Variants in COL24A1 observed in about 807,000 individuals in gnomAD.
The protein encoded by COL24A1 is collagen type XXIV alpha 1 chain.
COL24A1 carries 224 observed loss-of-function variants against 253.9 expected under a neutral mutation model. That is an observed-to-expected ratio of 0.88 (90% CI 0.79 to 0.99). The LOEUF (loss-of-function observed/expected upper bound fraction) is 0.99, where lower values mean the gene tolerates loss of function less well. COL24A1 is among the 50% of genes least tolerant of loss of function. COL24A1 has a pLI of 0.00. For synonymous variants in COL24A1, 685 were observed against 673.7 expected, an observed-to-expected ratio of 1.02 and a Z score of -0.26; for missense variants, 2,131 against 2,068.5, an observed-to-expected ratio of 1.03 and a Z score of -0.59.
chr1:86,148,506 C>G (rs1429551890), intron 1 of COL24A1, among the ~76,000 whole-genome samples: 3 of 151,954 alleles, frequency 2.0e-5, no homozygotes, highest in Non-Finnish European at 2.9e-5. Context: ...CCCTTCCCCC[C>G]ACCCCACAAC....
chr1:85,943,815 C>G (rs569859933), intron 24 of COL24A1, among the ~76,000 whole-genome samples: 1 of 152,250 alleles, frequency 6.6e-6, no homozygotes, highest in Non-Finnish European at 1.5e-5. Context: ...GACTTCTACC[C>G]CTTCACACAT....
intron 57 of COL24A1, among the ~76,000 whole-genome samples, chr1:85,741,104 G>A (rs1664581254): frequency 6.7e-6 from 1 of 149,080 alleles, no homozygotes; most frequent in Non-Finnish European, 1.5e-5. Flanking sequence ...AGGCACAGGG[G>A]TGAAACTCTG....
At chr1:85,894,762 C>T (rs1482699373) in intron 31 of COL24A1, among the ~76,000 whole-genome samples, 1 of 152,076 alleles carries the variant, frequency 6.6e-6, no homozygotes, top group African/African-American at 2.4e-5. Context: ...CAAGTTCTTT[C>T]CTAGACATAG....
chr1:85,823,685 T>C lies in COL24A1; in HGVS notation c.3735A>G (p.Pro1245=). The C allele has an allele frequency of 6.2e-7, 1 of 1,613,874 alleles. No homozygotes were observed. The highest frequency in any genetic ancestry group is 8.5e-7 in the Non-Finnish European group (1 of 1,179,820). ...TAGAAATAATGCTTTCAAAACATAC[T>C]GGGGGTCCTTGTTGTCCAGTGGCAC... ...LRGATGQQGP[P]GEPGDQGEQG... is the part of the protein sequence containing the mutation. The change falls in exon 44 of 60, where the codon CCA becomes CCG. Residue 1245 remains proline (P), a splice_region_variant and synonymous_variant. Coordinates refer to ENST00000370571, the MANE Select transcript of COL24A1 (RefSeq NM_152890.7).
Position 85,737,518 on chromosome 1 carries a change from A to C in COL24A1, c.4673-13T>G, listed in dbSNP as rs1322606647. ...ATCCAGTATTTTCCTAATAATTTATAGTAAAACATAAAGTTAAAGTTATTA... is the reference window on the plus strand; with the variant it reads ...ATCCAGTATTTTCCTAATAATTTATCGTAAAACATAAAGTTAAAGTTATTA... On this transcript the variant is annotated splice_polypyrimidine_tract_variant and intron_variant, in intron 57 of 59. Transcript: ENST00000370571. The C allele has an allele frequency of 6.5e-7, 1 of 1,541,682 alleles. No homozygotes were observed.
intron 7 of COL24A1, among the ~76,000 whole-genome samples, chr1:86,079,466 G>T (rs552553888): frequency 2.8e-4 from 42 of 152,148 alleles, no homozygotes; most frequent in South Asian, 4.1e-4. Flanking sequence ...ATTGCATCAA[G>T]TTAAAAAGTT....
chr1:86,152,486 G>A (rs1652906829), intron 1 of COL24A1, among the ~76,000 whole-genome samples: 1 of 152,098 alleles, frequency 6.6e-6, no homozygotes, highest in Non-Finnish European at 1.5e-5. Context: ...CCATCCCCAA[G>A]ATATCTCATT....
Position 86,113,709 on chromosome 1 carries a change from C to G in COL24A1, c.1546-1089G>C, listed in dbSNP as rs117549270. 9.0e-3 allele frequency among the ~76,000 whole-genome samples: 1,366 copies of G among 151,848 alleles called. 23 individuals are homozygous for G. The highest frequency in any genetic ancestry group is 0.074 in the East Asian group (381 of 5,146). On this transcript the variant is annotated intron_variant, in intron 4 of 59. Coordinates refer to ENST00000370571, the MANE Select transcript of COL24A1 (RefSeq NM_152890.7). ...ACTTTGCCAGGCATAGTGGCCCACA[C>G]CTGTAGTCCCAGCTAATCAGAAAGC...
At chr1:85,767,453 T>C (rs569732472) in intron 53 of COL24A1, among the ~76,000 whole-genome samples, 2 of 152,272 alleles carry the variant, frequency 1.3e-5, no homozygotes, top group South Asian at 4.1e-4. Flanking sequence ...GAGAAAAGGT[T>C]TAACGGCACA....
At chr1:86,137,191 T>TA (rs1488533101) in intron 2 of COL24A1, among the ~76,000 whole-genome samples, 1 of 152,126 alleles carries the variant, frequency 6.6e-6, no homozygotes. Flanking sequence ...TGGCCCTATA[T>TA]AAAAAATCAA....
At chr1:85,883,075 A>G (rs1050749573) in intron 32 of COL24A1, among the ~76,000 whole-genome samples, 3 of 152,206 alleles carry the variant, frequency 2.0e-5, no homozygotes, top group Admixed American at 1.3e-4. Flanking sequence ...TTAAGTGACT[A>G]TGATATCATT....
rs34157359 is a variant in COL24A1 at position 85,982,492 on chromosome 1, CT to C, written c.2364+5108del. 3.1e-3 allele frequency among the ~76,000 whole-genome samples: 461 copies of C among 146,372 alleles called. 1 individual carries two copies. Among genetic ancestry groups the C allele is most frequent in the Middle Eastern group, 0.01 (3 of 288 alleles). On this transcript the variant is annotated intron_variant, in intron 20 of 59. Coordinates refer to ENST00000370571, the MANE Select transcript of COL24A1 (RefSeq NM_152890.7). ...AGATCTGTCACAATCTGCTTTCTAC[CT>C]TTTTTTTTTTAAGTCAGGTAGGTTT... is the stretch of plus-strand genomic sequence containing the variant.
intron 38 of COL24A1, 83 bp from the exon 39 acceptor site, chr1:85,847,855 T>C: frequency 1.3e-6 from 1 of 769,528 alleles, no homozygotes; most frequent in Non-Finnish European, 2.2e-6. Flanking sequence ...CCTGAATAGC[T>C]CCTGAGGATT....
At chr1:85,815,916 A>G (rs1007233485) in intron 47 of COL24A1, among the ~76,000 whole-genome samples, 1 of 152,200 alleles carries the variant, frequency 6.6e-6, no homozygotes, top group African/African-American at 2.4e-5. Context: ...CAAAAATGTG[A>G]TTTTTAAATT....
chr1:86,012,477 T>C (rs916134108), intron 19 of COL24A1, among the ~76,000 whole-genome samples: 5 of 152,064 alleles, frequency 3.3e-5, no homozygotes, highest in Non-Finnish European at 7.4e-5. Flanking sequence ...TAATCCCAGC[T>C]ACCTGGGAGG....
intron 7 of COL24A1, among the ~76,000 whole-genome samples, chr1:86,072,058 G>A (rs1407879697): frequency 2.0e-5 from 3 of 152,162 alleles, no homozygotes; most frequent in African/African-American, 7.2e-5. Context: ...CCAAGGGCCT[G>A]GGTTTCAAGC....
intron 20 of COL24A1, among the ~76,000 whole-genome samples, chr1:85,985,613 A>G (rs1693659349): frequency 6.6e-6 from 1 of 151,828 alleles, no homozygotes; most frequent in African/African-American, 2.4e-5. Context: ...AAGGACAATT[A>G]CACTATCCTG....
At chr1:85,863,705 G>GA (rs1204536393) in intron 37 of COL24A1, among the ~76,000 whole-genome samples, 1 of 151,914 alleles carries the variant, frequency 6.6e-6, no homozygotes, top group African/African-American at 2.4e-5. Context: ...AAACTTACAA[G>GA]AAAAAAACAA....
chr1:85,808,816 G>A (rs1672240063), intron 47 of COL24A1, among the ~76,000 whole-genome samples: 1 of 152,208 alleles, frequency 6.6e-6, no homozygotes, highest in South Asian at 2.1e-4. Flanking sequence ...ATTGATGCAA[G>A]GCTGGCCCAC....
Sources: allele counts gnomAD v4.1 joint callset (sites outside exome capture counted in the v4.1 genomes callset), GRCh38; gene constraint gnomAD v4.1.1; transcripts MANE v1.5; gene names NCBI Gene and HGNC (gene_info 2026-07-23, HGNC 2026-07-21).